The following NEDD4 variants were observed in gnomAD, a reference collection of about 807,000 sequenced individuals.
NEDD4 encodes the protein NEDD4 E3 ubiquitin protein ligase, also known as E3 ubiquitin-protein ligase NEDD4.
A neutral mutation model predicts 144.9 loss-of-function variants in NEDD4; 99 were observed. That is an observed-to-expected ratio of 0.68 (90% CI 0.58 to 0.81). The LOEUF (loss-of-function observed/expected upper bound fraction) is 0.81, where lower values mean the gene tolerates loss of function less well. NEDD4 is among the 30% of genes least tolerant of loss of function. The pLI is 0.00. For synonymous variants in NEDD4, 318 were observed against 350.6 expected, an observed-to-expected ratio of 0.91 and a Z score of 1.04; for missense variants, 985 against 1,065.9, an observed-to-expected ratio of 0.92 and a Z score of 1.06.
At chr15:55,879,596 A>G (rs1399489144) in intron 5 of NEDD4, among the ~76,000 whole-genome samples, 1 of 152,196 alleles carries the variant, frequency 6.6e-6, no homozygotes, top group East Asian at 1.9e-4. Context: ...ACCTAAATGA[A>G]AGACGGGAGT....
At chr15:55,870,820 A>G (rs1405111505) in intron 7 of NEDD4, among the ~76,000 whole-genome samples, 1 of 152,078 alleles carries the variant, frequency 6.6e-6, no homozygotes, top group Non-Finnish European at 1.5e-5. Flanking sequence ...CAATGCTTTC[A>G]TAAGGTTCTA....
chr15:55,887,266 A>T (rs2035424997), intron 5 of NEDD4, among the ~76,000 whole-genome samples: 1 of 152,162 alleles, frequency 6.6e-6, no homozygotes, highest in African/African-American at 2.4e-5. Flanking sequence ...ACTAAGAAAA[A>T]AAGAGAGAAA....
chr15:55,910,023 A>G (rs2036220276), intron 5 of NEDD4, among the ~76,000 whole-genome samples: 1 of 152,168 alleles, frequency 6.6e-6, no homozygotes, highest in South Asian at 2.1e-4. Flanking sequence ...TTCACTCATC[A>G]TACTTGCTTA....
chr15:55,857,682 C>G (rs937698919), intron 11 of NEDD4, among the ~76,000 whole-genome samples: 1 of 152,134 alleles, frequency 6.6e-6, no homozygotes, highest in Admixed American at 6.5e-5. Context: ...CCATACAGTG[C>G]TTTAAAAATA....
At chr15:55,915,540 C>A (rs201413155) in intron 5 of NEDD4, 13 of 1,613,812 alleles carry the variant, frequency 8.1e-6, no homozygotes, top group Non-Finnish European at 1.0e-5. Context: ...ATTTATTTGA[C>A]AATCTACATT....
At chr15:55,944,803 AGCAATATTTGCTGTTTT>A (rs778160604) in intron 4 of NEDD4, among the ~76,000 whole-genome samples, 3 of 152,188 alleles carry the variant, frequency 2.0e-5, no homozygotes, top group East Asian at 1.9e-4. Context: ...AGGATGAGGC[AGCAATATTTGCTGTTTT>A]GCAATATTTG....
chr15:55,876,032 G>A (rs762239127), intron 5 of NEDD4, among the ~76,000 whole-genome samples: 3 of 152,132 alleles, frequency 2.0e-5, no homozygotes, highest in Non-Finnish European at 2.9e-5. Context: ...TTACACACAG[G>A]AGAATAAGAA....
At chr15:55,838,025 C>A (rs1230781894) in intron 23 of NEDD4, 82 bp downstream of exon 23, 3 of 975,776 alleles carry the variant, frequency 3.1e-6, no homozygotes, top group East Asian at 2.6e-5. Context: ...GACAAGGGGA[C>A]AGAGAAAGAT....
At chr15:55,858,424 C>T (rs2034279366) in intron 11 of NEDD4, among the ~76,000 whole-genome samples, 1 of 152,142 alleles carries the variant, frequency 6.6e-6, no homozygotes, top group Non-Finnish European at 1.5e-5. Flanking sequence ...CTTCCAATCT[C>T]AGCCTCCCAA....
intron 5 of NEDD4, among the ~76,000 whole-genome samples, chr15:55,897,379 G>A (rs1269522723): frequency 6.6e-6 from 1 of 152,176 alleles, no homozygotes; most frequent in Non-Finnish European, 1.5e-5. Context: ...TCTAGGACGT[G>A]GAGGGAATTT....
At chr15:55,934,686 G>T (rs1255302315) in intron 4 of NEDD4, 3 of 151,634 alleles carry the variant, frequency 2.0e-5, no homozygotes, top group Admixed American at 6.6e-5. Flanking sequence ...ATAAATCTCT[G>T]TCTTACCTTT....
intron 24 of NEDD4, among the ~76,000 whole-genome samples, chr15:55,836,053 G>A (rs756798613): frequency 6.6e-6 from 1 of 152,026 alleles, no homozygotes; most frequent in Non-Finnish European, 1.5e-5. Context: ...TGTGGGTACA[G>A]CCTACCTTAT....
chr15:55,863,389 T>C (rs2034476038), intron 8 of NEDD4, among the ~76,000 whole-genome samples: 1 of 152,086 alleles, frequency 6.6e-6, no homozygotes, highest in Non-Finnish European at 1.5e-5. Context: ...CCAGATCCCA[T>C]CTCAAAACAA....
chr15:55,975,590 A>G (rs1301114247), intron 1 of NEDD4, among the ~76,000 whole-genome samples: 3 of 152,068 alleles, frequency 2.0e-5, no homozygotes, highest in African/African-American at 7.2e-5. Context: ...AGAGATCTCT[A>G]CAATGAAAAC....
chr15:55,969,288 A>G (rs2142334761), intron 1 of NEDD4, among the ~76,000 whole-genome samples: 1 of 152,186 alleles, frequency 6.6e-6, no homozygotes, highest in East Asian at 1.9e-4. Context: ...TTTAAGGCTA[A>G]GTTTGGGCAA....
chr15:55,981,030 C>A, intron 1 of NEDD4, among the ~76,000 whole-genome samples: 1 of 150,174 alleles, frequency 6.7e-6, no homozygotes. Context: ...GGGAGGGATG[C>A]ATATTTTTTC....
chr15:55,846,926 A>G, intron 18 of NEDD4, 43 bp downstream of exon 18: 1 of 1,186,722 alleles, frequency 8.4e-7, no homozygotes, highest in East Asian at 2.4e-5. Flanking sequence ...CTTTCCATCT[A>G]TATATTGATG....
chr15:55,854,044 G>T (rs1324541832), intron 12 of NEDD4, among the ~76,000 whole-genome samples: 2 of 151,968 alleles, frequency 1.3e-5, no homozygotes, highest in African/African-American at 4.8e-5. Context: ...CCAGCTACTC[G>T]GGAGGCTGAA....
chr15:55,871,941 T>C (rs2034813456), intron 7 of NEDD4, among the ~76,000 whole-genome samples: 1 of 152,192 alleles, frequency 6.6e-6, no homozygotes. Context: ...TTTGGGAAAA[T>C]GGAATTATAA....
Sources: allele counts gnomAD v4.1 joint callset (sites outside exome capture counted in the v4.1 genomes callset), GRCh38; gene constraint gnomAD v4.1.1; transcripts MANE v1.5; gene names NCBI Gene and HGNC (gene_info 2026-07-23, HGNC 2026-07-21).